The following PCDH15 variants were observed in gnomAD, a reference collection of about 807,000 sequenced individuals.
PCDH15 encodes protocadherin related 15, also known as protocadherin-15.
In PCDH15, 129 loss-of-function variants were observed where a neutral mutation model predicts 178.5. The observed-to-expected ratio is 0.72, with a 90% CI of 0.63 to 0.84. The LOEUF is 0.84. PCDH15 is among the 40% of genes least tolerant of loss of function. The pLI is 0.00. For missense variants in PCDH15, 2,230 were observed against 2,099.9 expected, an observed-to-expected ratio of 1.06 and a Z score of -1.21; for synonymous variants, 800 against 732.0, an observed-to-expected ratio of 1.09 and a Z score of -1.50.
At chr10:55,263,962 C>G (rs918606145) in intron 1 of PCDH15, among the ~76,000 whole-genome samples, 2 of 148,734 alleles carry the variant, frequency 1.3e-5, no homozygotes, top group Non-Finnish European at 2.9e-5. Flanking sequence ...TCTCGATCTC[C>G]GGACCTCGTG....
chr10:55,085,715 A>AT (rs1842152757), intron 2 of PCDH15, among the ~76,000 whole-genome samples: 1 of 151,924 alleles, frequency 6.6e-6, no homozygotes, highest in Non-Finnish European at 1.5e-5. Context: ...TATATAGTCA[A>AT]ATTAAGTGAA....
intron 2 of PCDH15, among the ~76,000 whole-genome samples, chr10:55,395,349 G>C (rs936970999): frequency 6.6e-6 from 1 of 151,902 alleles, no homozygotes; most frequent in Non-Finnish European, 1.5e-5. Flanking sequence ...GCTACTGATA[G>C]TTAAATCTGA....
At chr10:55,297,024 T>C (rs1385364033) in intron 1 of PCDH15, among the ~76,000 whole-genome samples, 1 of 152,130 alleles carries the variant, frequency 6.6e-6, no homozygotes, top group African/African-American at 2.4e-5. Context: ...CAATGAATAT[T>C]AAATAGCTAC....
chr10:55,471,256 T>C (rs1839950291), intron 2 of PCDH15, among the ~76,000 whole-genome samples: 1 of 152,214 alleles, frequency 6.6e-6, no homozygotes, highest in African/African-American at 2.4e-5. Context: ...TAATTTTACT[T>C]TAATGAGTAT....
chr10:55,529,041 G>T (rs1202059401), intron 2 of PCDH15, among the ~76,000 whole-genome samples: 1 of 152,040 alleles, frequency 6.6e-6, no homozygotes, highest in Non-Finnish European at 1.5e-5. Context: ...AGAAGTGTCT[G>T]TTCATATCCT....
Position 54,723,508 on chromosome 10 carries a change from C to T in PCDH15, c.-28-59218G>A, listed in dbSNP as rs547144333. On this transcript the variant is annotated intron_variant, in intron 1 of 37. Coordinates refer to ENST00000644397, the MANE Select transcript of PCDH15 (RefSeq NM_001384140.1). ...CTTAGCAAATAATTTATAATGATGA[C>T]CCTGAAAGTAAATGCAACAAAAACA... Among the ~76,000 whole-genome samples the T allele has an allele frequency of 4.6e-5, 7 of 151,728 alleles. No individual in the cohort carries two copies. The South Asian group carries it at 1.2e-3, about 27-fold the overall frequency.
intron 1 of PCDH15, among the ~76,000 whole-genome samples, chr10:54,675,475 TTC>T (rs1287897434): frequency 4.0e-5 from 6 of 151,504 alleles, no homozygotes; most frequent in East Asian, 1.9e-4. Context: ...TTTTTTTTTT[TTC>T]AATCTGATCT....
intron 37 of PCDH15, 21 bp from the exon 38 acceptor site, chr10:53,807,151 A>G (rs1470504846): frequency 7.8e-6 from 12 of 1,544,460 alleles, no homozygotes; most frequent in Non-Finnish European, 8.7e-6. Context: ...AAACAAAAAT[A>G]TGTGAGTCAC....
chr10:54,202,643 T>C (rs28666913), intron 10 of PCDH15, among the ~76,000 whole-genome samples: 2,955 of 151,968 alleles, frequency 0.019, 77 homozygotes, highest in African/African-American at 0.067. Flanking sequence ...AGAAACCCTG[T>C]GTCTACTAAA....
intron 2 of PCDH15, among the ~76,000 whole-genome samples, chr10:55,503,473 T>C: frequency 6.6e-6 from 1 of 150,552 alleles, no homozygotes; most frequent in Non-Finnish European, 1.5e-5. Context: ...ATTTATTTTA[T>C]GTTGATAATA....
At chr10:55,447,484 G>C (rs984832158) in intron 2 of PCDH15, among the ~76,000 whole-genome samples, 1 of 151,984 alleles carries the variant, frequency 6.6e-6, no homozygotes, top group Non-Finnish European at 1.5e-5. Context: ...GTATTGTTTA[G>C]ACTATGCTGA....
intron 2 of PCDH15, chr10:54,655,976 A>T (rs1026176819): frequency 2.6e-5 from 4 of 152,238 alleles, no homozygotes; most frequent in Admixed American, 6.5e-5. Context: ...GTAATCTAGA[A>T]ATATGTACAT....
At chr10:54,925,677 T>TC (rs1837603896) in intron 2 of PCDH15, among the ~76,000 whole-genome samples, 1 of 152,136 alleles carries the variant, frequency 6.6e-6, no homozygotes, top group Admixed American at 6.6e-5. Flanking sequence ...TTAGCTGTAT[T>TC]CCTAGATATT....
At chr10:54,634,359 T>C (rs2093788664) in intron 2 of PCDH15, among the ~76,000 whole-genome samples, 1 of 152,032 alleles carries the variant, frequency 6.6e-6, no homozygotes, top group Non-Finnish European at 1.5e-5. Flanking sequence ...TTAGAAATAA[T>C]TAAAGTCTCA....
chr10:54,438,301 CAT>C (rs1383938459), intron 3 of PCDH15, among the ~76,000 whole-genome samples: 1 of 116,602 alleles, frequency 8.6e-6, no homozygotes, highest in Non-Finnish European at 1.7e-5. Flanking sequence ...TAAATAATCT[CAT>C]CTTTATTTCT....
At chr10:54,855,193 G>A (rs567793968) in intron 3 of PCDH15, among the ~76,000 whole-genome samples, 31 of 152,314 alleles carry the variant, frequency 2.0e-4, no homozygotes, top group South Asian at 1.7e-3. Context: ...TGCAAGGGCA[G>A]GGGAGGCCTT....
rs1365766765 is a variant in PCDH15 at position 54,664,818 on chromosome 10, A to T, written c.-28-528T>A. 7.9e-5 allele frequency among the ~76,000 whole-genome samples: 12 copies of T among 151,944 alleles called. No individual in the cohort carries two copies. In the South Asian group the frequency reaches 2.5e-3, roughly 32 times the overall value. On this transcript the variant is annotated intron_variant, in intron 1 of 37. Coordinates refer to ENST00000644397, the MANE Select transcript of PCDH15 (RefSeq NM_001384140.1). ...AACTATGCCAGGAAAGACTAAGGAA[A>T]ATCTGTCAATTTTCACTACATCTGC... is the stretch of plus-strand genomic sequence containing the variant.
intron 2 of PCDH15, among the ~76,000 whole-genome samples, chr10:54,927,011 G>A (rs983196409): frequency 5.9e-5 from 9 of 151,638 alleles, no homozygotes; most frequent in African/African-American, 9.7e-5. Flanking sequence ...TTTGATTTTA[G>A]TTCTTTTCGT....
intron 2 of PCDH15, among the ~76,000 whole-genome samples, chr10:54,614,622 A>G (rs2093070846): frequency 6.6e-6 from 1 of 152,038 alleles, no homozygotes; most frequent in Non-Finnish European, 1.5e-5. Flanking sequence ...CATAATAAAC[A>G]CTAATGAAGT....
Sources: allele counts gnomAD v4.1 joint callset (sites outside exome capture counted in the v4.1 genomes callset), GRCh38; gene constraint gnomAD v4.1.1; transcripts MANE v1.5; gene names NCBI Gene and HGNC (gene_info 2026-07-23, HGNC 2026-07-21).